NBEA: variants seen among roughly 807,000 people sequenced by gnomAD.
NBEA encodes the protein neurobeachin.
NBEA carries 44 observed loss-of-function variants against 343.4 expected under a neutral mutation model. That is an observed-to-expected ratio of 0.13 (90% CI 0.10 to 0.16). The LOEUF is 0.16. NBEA is among the 10% of genes least tolerant of loss of function. The probability of loss-of-function intolerance (pLI) is 1.00; values close to 1 mark genes in which losing one functional copy is unlikely to be tolerated. For synonymous variants in NBEA, 1,175 were observed against 1,238.7 expected, an observed-to-expected ratio of 0.95 and a Z score of 1.08; for missense variants, 2,555 against 3,631.3, an observed-to-expected ratio of 0.70 and a Z score of 7.62.
intron 38 of NBEA, among the ~76,000 whole-genome samples, chr13:35,353,938 A>G (rs1396841606): frequency 6.6e-6 from 1 of 152,198 alleles, no homozygotes; most frequent in Non-Finnish European, 1.5e-5. Flanking sequence ...ACAGGCTGGC[A>G]GGCTAGAAAC....
chr13:35,527,043 C>T (rs2078011797), intron 41 of NBEA, among the ~76,000 whole-genome samples: 1 of 152,084 alleles, frequency 6.6e-6, no homozygotes, highest in African/African-American at 2.4e-5. Flanking sequence ...CTTCTCTCTT[C>T]TCTCCTTCTT....
At chr13:35,156,042 A>G in intron 19 of NBEA, 41 bp from the exon 20 acceptor site, 1 of 1,551,876 alleles carries the variant, frequency 6.4e-7, no homozygotes, top group South Asian at 1.2e-5. Context: ...TGAACATAGG[A>G]TATGGTTACA....
intron 26 of NBEA, among the ~76,000 whole-genome samples, chr13:35,172,182 A>G (rs971211228): frequency 6.6e-6 from 1 of 152,026 alleles, no homozygotes; most frequent in Non-Finnish European, 1.5e-5. Flanking sequence ...ACTTTTAAAG[A>G]TTATGTCAAA....
At position 35,303,924 on chromosome 13, in the gene NBEA, C is replaced by G. The variant is rs190163299; in HGVS notation, c.5839-5604C>G. Reference sequence around the variant, plus strand: ...CCAGCCCAGTACAATGACTTTCCTCCCAGCATTTAGGGCCTGTCTTTTGTC... The same window carrying G: ...CCAGCCCAGTACAATGACTTTCCTCGCAGCATTTAGGGCCTGTCTTTTGTC... On this transcript the variant is annotated intron_variant, in intron 35 of 58. Coordinates refer to ENST00000379939, the MANE Select transcript of NBEA (RefSeq NM_001385012.1). Among the ~76,000 whole-genome samples, 13 of 152,232 alleles carry G rather than the reference C, an allele frequency of 8.5e-5. No individual in the cohort carries two copies. In the East Asian group the frequency reaches 2.3e-3, roughly 27 times the overall value.
intron 33 of NBEA, among the ~76,000 whole-genome samples, chr13:35,223,765 C>T (rs57255915): frequency 0.044 from 6,754 of 152,156 alleles, 176 homozygotes; most frequent in South Asian, 0.078. Flanking sequence ...TAGAATAACA[C>T]GTTGCCACAA....
intron 45 of NBEA, among the ~76,000 whole-genome samples, chr13:35,578,564 T>G (rs555178564): frequency 1.6e-4 from 25 of 152,308 alleles, no homozygotes; most frequent in Admixed American, 1.2e-3. Context: ...TAGTGTGGAA[T>G]GTGGAGACCC....
At chr13:35,623,946 G>A (rs928061766) in intron 48 of NBEA, among the ~76,000 whole-genome samples, 1 of 151,906 alleles carries the variant, frequency 6.6e-6, no homozygotes, top group Non-Finnish European at 1.5e-5. Flanking sequence ...ACAGTGAAGG[G>A]GAGGAAAAAG....
intron 40 of NBEA, among the ~76,000 whole-genome samples, chr13:35,467,225 G>A (rs1247274434): frequency 6.6e-6 from 1 of 152,128 alleles, no homozygotes; most frequent in Admixed American, 6.5e-5. Flanking sequence ...TGTAATCCCA[G>A]CACTGTGGGA....
At chr13:35,637,103 A>G (rs75845297) in intron 49 of NBEA, among the ~76,000 whole-genome samples, 12,932 of 152,242 alleles carry the variant, frequency 0.085, 725 homozygotes, top group African/African-American at 0.15. Context: ...CTGAATAACA[A>G]TCCTATTTGT....
intron 41 of NBEA, among the ~76,000 whole-genome samples, chr13:35,502,614 C>A (rs2076931138): frequency 6.6e-6 from 1 of 151,634 alleles, no homozygotes; most frequent in Admixed American, 6.6e-5. Flanking sequence ...GGGACCAGAT[C>A]CTCTGGGGGT....
intron 41 of NBEA, among the ~76,000 whole-genome samples, chr13:35,505,914 A>G (rs2077057045): frequency 6.6e-6 from 1 of 152,196 alleles, no homozygotes; most frequent in African/African-American, 2.4e-5. Context: ...TTTGCATATA[A>G]AAACACCATT....
At chr13:35,033,512 T>A (rs2062320745) in intron 1 of NBEA, among the ~76,000 whole-genome samples, 1 of 152,034 alleles carries the variant, frequency 6.6e-6, no homozygotes, top group South Asian at 2.1e-4. Flanking sequence ...CCATATAAAT[T>A]TGAGCATTGT....
At chr13:35,437,324 A>G (rs960625743) in intron 39 of NBEA, among the ~76,000 whole-genome samples, 3 of 152,314 alleles carry the variant, frequency 2.0e-5, no homozygotes, top group African/African-American at 7.2e-5. Context: ...AATTGGATAT[A>G]ATTTCAAGGA....
intron 41 of NBEA, among the ~76,000 whole-genome samples, chr13:35,472,951 G>C (rs908645247): frequency 2.0e-5 from 3 of 152,084 alleles, no homozygotes; most frequent in African/African-American, 7.2e-5. Flanking sequence ...AAACTGGGGG[G>C]AGAGCATTTA....
intron 38 of NBEA, among the ~76,000 whole-genome samples, chr13:35,366,348 A>G (rs2041110936): frequency 6.6e-6 from 1 of 151,454 alleles, no homozygotes; most frequent in African/African-American, 2.4e-5. Flanking sequence ...TTACTAGAAC[A>G]TAAGGAGTTA....
chr13:35,318,899 T>C (rs1343721988), intron 36 of NBEA, among the ~76,000 whole-genome samples: 3 of 152,222 alleles, frequency 2.0e-5, no homozygotes, highest in Non-Finnish European at 4.4e-5. Context: ...TAGAGGTGTT[T>C]ATAGTATTCT....
rs146465839 is a variant in NBEA at position 35,175,404 on chromosome 13, C to T, written c.4555-1592C>T. ...TGACACTTAATATATTGTCGTGAAA[C>T]GAATAAATAGTATTTTGAAGGTGAC... is the stretch of plus-strand genomic sequence containing the variant. On this transcript the variant is annotated intron_variant, in intron 27 of 58. Transcript: ENST00000379939. 5.0e-4 allele frequency among the ~76,000 whole-genome samples: 76 copies of T among 152,068 alleles called. 1 individual carries two copies. In the East Asian group the frequency reaches 0.012, roughly 24 times the overall value.
At chr13:34,947,362 A>C (rs2059216721) in intron 1 of NBEA, among the ~76,000 whole-genome samples, 1 of 152,200 alleles carries the variant, frequency 6.6e-6, no homozygotes, top group South Asian at 2.1e-4. Context: ...GCTAATTAAA[A>C]ATATCTCAAG....
intron 1 of NBEA, among the ~76,000 whole-genome samples, chr13:34,947,723 T>C (rs1298265533): frequency 1.3e-5 from 2 of 152,196 alleles, no homozygotes; most frequent in Admixed American, 6.5e-5. Context: ...TAAGTGCGTT[T>C]GTAGTGTGCA....
Sources: gnomAD v4.1 joint callset for allele counts (sites outside exome capture counted in the v4.1 genomes callset) on GRCh38, gnomAD v4.1.1 for gene constraint, MANE v1.5 for transcripts, NCBI Gene and HGNC (gene_info 2026-07-23, HGNC 2026-07-21) for gene names.